The following LRBA variants were observed in gnomAD, a reference collection of about 807,000 sequenced individuals.
LRBA encodes the protein lipopolysaccharide-responsive and beige-like anchor protein.
In LRBA, 176 loss-of-function variants were observed where a neutral mutation model predicts 330.0. That is an observed-to-expected ratio of 0.53 (90% CI 0.47 to 0.60). LRBA has a LOEUF of 0.60. LRBA is among the 20% of genes least tolerant of loss of function. The pLI is 0.00. For synonymous variants in LRBA, 1,230 were observed against 1,193.0 expected (o/e 1.03, Z -0.64); for missense variants, 3,259 against 3,444.8 (o/e 0.95, Z 1.35).
At chr4:150,819,595 G>T (rs1332250049) in intron 30 of LRBA, among the ~76,000 whole-genome samples, 1 of 152,044 alleles carries the variant, frequency 6.6e-6, no homozygotes, top group Non-Finnish European at 1.5e-5. Context: ...TCAGTGATGG[G>T]TCTACAGGTG....
intron 44 of LRBA, among the ~76,000 whole-genome samples, chr4:150,460,330 CACTT>C (rs1438429845): frequency 1.9e-4 from 29 of 151,070 alleles, no homozygotes; most frequent in Admixed American, 1.9e-3. Context: ...AAAAAAAAAT[CACTT>C]ACTTTTCCTG....
At chr4:150,597,120 A>G (rs748016027) in intron 38 of LRBA, 1 of 1,376,744 alleles carries the variant, frequency 7.3e-7, no homozygotes, top group East Asian at 2.5e-5. Flanking sequence ...TGCACACTAA[A>G]ACATAGATAA....
At chr4:150,810,324 C>G (rs964666174) in intron 31 of LRBA, among the ~76,000 whole-genome samples, 2 of 152,216 alleles carry the variant, frequency 1.3e-5, no homozygotes, top group Admixed American at 1.3e-4. Context: ...GAGCCCACCC[C>G]TTAGAGTGAG....
At chr4:150,478,893 T>C (rs920765237) in intron 42 of LRBA, among the ~76,000 whole-genome samples, 15 of 152,188 alleles carry the variant, frequency 9.9e-5, no homozygotes, top group Non-Finnish European at 2.9e-5. Context: ...TACATATTTG[T>C]TTTAAAAATG....
rs901282913 is a variant in LRBA, at chr4:150,567,429, G to C, written c.6330+20619C>G. Among the ~76,000 whole-genome samples, 5 of 152,172 alleles carry C rather than the reference G, an allele frequency of 3.3e-5. No individual in the cohort carries two copies. The South Asian group carries it at 1.0e-3, about 32-fold the overall frequency. ...GAAGGCAAAACTTACTTAAGAAACT[G>C]TCATGGACAACTGCAGACAGGGCAT... On this transcript the variant is annotated intron_variant, in intron 40 of 56. Transcript: ENST00000651943.
chr4:150,858,416 A>G (rs1751485548), intron 22 of LRBA, among the ~76,000 whole-genome samples: 1 of 152,058 alleles, frequency 6.6e-6, no homozygotes, highest in Admixed American at 6.6e-5. Context: ...TAAATTTGAT[A>G]AAAACACACA....
intron 36 of LRBA, among the ~76,000 whole-genome samples, chr4:150,698,247 A>G: frequency 6.6e-6 from 1 of 152,136 alleles, no homozygotes; most frequent in East Asian, 1.9e-4. Context: ...TTTCTTATTA[A>G]TCTTTATTTT....
intron 2 of LRBA, among the ~76,000 whole-genome samples, chr4:150,996,623 A>G (rs1296882287): frequency 1.3e-5 from 2 of 152,194 alleles, no homozygotes; most frequent in African/African-American, 4.8e-5. Context: ...TCAATGATAA[A>G]AGTTTTAAAA....
intron 47 of LRBA, among the ~76,000 whole-genome samples, chr4:150,363,154 A>G (rs1433334436): frequency 6.6e-6 from 1 of 151,914 alleles, no homozygotes; most frequent in Non-Finnish European, 1.5e-5. Flanking sequence ...AAACAAAACA[A>G]AAAACAGTTT....
chr4:150,963,613 T>C (rs1011000790), intron 2 of LRBA, among the ~76,000 whole-genome samples: 6 of 149,364 alleles, frequency 4.0e-5, no homozygotes, highest in Admixed American at 2.0e-4. Context: ...CCACCCCATA[T>C]AGGAAGTGAG....
chr4:150,831,928 T>C lies in LRBA; in HGVS notation c.4618A>G (p.Ile1540Val). The C allele has an allele frequency of 6.3e-7, 1 of 1,592,754 alleles. No individual in the cohort carries two copies. ...TACTTGGAGACCATAAGAACAGAGATAAAGTATACTACTGCCAAGGCTAAA... is the reference window on the plus strand; with the variant it reads ...TACTTGGAGACCATAAGAACAGAGACAAAGTATACTACTGCCAAGGCTAAA... ...QFLALAVVYF[I>V]SVLMVSKYRD... The change falls in exon 29 of 57, where the codon ATC becomes GTC. Residue 1540 changes from isoleucine to valine, a missense_variant. By Grantham distance (29) the Ile-to-Val change is conservative. Coordinates refer to ENST00000651943, the MANE Select transcript of LRBA (RefSeq NM_001364905.1).
At chr4:150,861,615 G>T (rs1751949254) in intron 22 of LRBA, among the ~76,000 whole-genome samples, 1 of 152,120 alleles carries the variant, frequency 6.6e-6, no homozygotes, top group East Asian at 1.9e-4. Context: ...AAATGTGCAG[G>T]TCTAGTACAC....
At chr4:150,862,754 A>G (rs1316366026) in intron 22 of LRBA, among the ~76,000 whole-genome samples, 1 of 151,642 alleles carries the variant, frequency 6.6e-6, no homozygotes, top group Non-Finnish European at 1.5e-5. Flanking sequence ...AGGTGGGTGG[A>G]TCCCCTGAGC....
chr4:150,587,505 T>C (rs1772261363), intron 40 of LRBA, among the ~76,000 whole-genome samples: 1 of 152,204 alleles, frequency 6.6e-6, no homozygotes, highest in South Asian at 2.1e-4. Flanking sequence ...GAGAAATATA[T>C]TTTAAAGGGG....
chr4:150,808,495 A>G (rs916269173), intron 31 of LRBA, 97 bp from the exon 32 acceptor site: 12 of 696,508 alleles, frequency 1.7e-5, no homozygotes, highest in Admixed American at 2.4e-5. Context: ...TAAAAGCATT[A>G]TAACGTATTT....
At chr4:150,864,951 T>G (rs1752491328) in intron 22 of LRBA, among the ~76,000 whole-genome samples, 1 of 152,102 alleles carries the variant, frequency 6.6e-6, no homozygotes, top group Non-Finnish European at 1.5e-5. Flanking sequence ...CCCAAGGTCT[T>G]TAGGTTATAC....
chr4:150,365,919 C>T (rs569247812), intron 47 of LRBA, among the ~76,000 whole-genome samples: 5 of 151,776 alleles, frequency 3.3e-5, no homozygotes, highest in Non-Finnish European at 7.4e-5. Flanking sequence ...TTATTTCCTA[C>T]TTAAACATTT....
At chr4:150,632,955 A>G (rs1280153826) in intron 37 of LRBA, among the ~76,000 whole-genome samples, 1 of 152,092 alleles carries the variant, frequency 6.6e-6, no homozygotes, top group Non-Finnish European at 1.5e-5. Flanking sequence ...TTCTCACCCT[A>G]TATTCTCTCA....
intron 28 of LRBA, among the ~76,000 whole-genome samples, chr4:150,843,496 T>C (rs1362942918): frequency 6.6e-6 from 1 of 152,206 alleles, no homozygotes; most frequent in Non-Finnish European, 1.5e-5. Context: ...ATGTTTTCTA[T>C]CAAAATCAGC....
Sources: gnomAD v4.1 joint callset for allele counts (sites outside exome capture counted in the v4.1 genomes callset) on GRCh38, gnomAD v4.1.1 for gene constraint, MANE v1.5 for transcripts, NCBI Gene and HGNC (gene_info 2026-07-23, HGNC 2026-07-21) for gene names.